Variants in CYP19A1 observed in about 807,000 individuals in gnomAD.
The protein encoded by CYP19A1 is aromatase.
In CYP19A1, 32 loss-of-function variants were observed where a neutral mutation model predicts 44.4. The ratio of observed to expected loss-of-function variants is 0.72; its 90% confidence interval spans 0.54 to 0.97. CYP19A1 has a LOEUF of 0.97. Among genes scored for constraint, CYP19A1 ranks in the 50% least tolerant of loss-of-function variants. The probability of loss-of-function intolerance (pLI) is 0.00; values close to 1 mark genes in which losing one functional copy is unlikely to be tolerated. For synonymous variants in CYP19A1, 212 were observed against 215.6 expected (o/e 0.98, Z 0.14); for missense variants, 598 against 637.8 (o/e 0.94, Z 0.67).
chr15:51,222,770 C>G (rs1334207159), intron 4 of CYP19A1, among the ~76,000 whole-genome samples: 1 of 152,142 alleles, frequency 6.6e-6, no homozygotes, highest in Non-Finnish European at 1.5e-5. Flanking sequence ...TTTAAACAAA[C>G]TATTAAAAAT....
chr15:51,218,420 C>A, intron 6 of CYP19A1, 121 bp downstream of exon 6: 2 of 1,414,034 alleles, frequency 1.4e-6, no homozygotes, highest in Admixed American at 2.6e-5. Context: ...TAATCAACAG[C>A]TCCCTTGTGG....
intron 1 of CYP19A1, among the ~76,000 whole-genome samples, chr15:51,261,407 A>G (rs1236550152): frequency 6.6e-6 from 1 of 152,220 alleles, no homozygotes; most frequent in Non-Finnish European, 1.5e-5. Flanking sequence ...AAGACCTTGC[A>G]GTTCTATAAT....
At chr15:51,275,006 G>A (rs1383233560) in intron 1 of CYP19A1, among the ~76,000 whole-genome samples, 2 of 152,152 alleles carry the variant, frequency 1.3e-5, no homozygotes, top group African/African-American at 4.8e-5. Flanking sequence ...TTAACTTGGT[G>A]ACATGTCACT....
chr15:51,332,391 T>C (rs2036715742), intron 1 of CYP19A1, among the ~76,000 whole-genome samples: 2 of 152,250 alleles, frequency 1.3e-5, no homozygotes, highest in Non-Finnish European at 2.9e-5. Flanking sequence ...GAAACTTCAC[T>C]TCCCCTCTTT....
intron 1 of CYP19A1, among the ~76,000 whole-genome samples, chr15:51,322,673 C>T (rs1186913307): frequency 6.6e-6 from 1 of 152,116 alleles, no homozygotes; most frequent in Non-Finnish European, 1.5e-5. Context: ...TTGCATCACC[C>T]CCACCCCCGC....
At chr15:51,299,679 G>A (rs1435739880) in intron 1 of CYP19A1, among the ~76,000 whole-genome samples, 1 of 152,212 alleles carries the variant, frequency 6.6e-6, no homozygotes, top group Non-Finnish European at 1.5e-5. Context: ...TCCTTTACAG[G>A]AATTTAATGG....
chr15:51,212,588 G>C (rs749011486), intron 8 of CYP19A1, 27 bp from the exon 9 acceptor site: 3 of 1,376,180 alleles, frequency 2.2e-6, no homozygotes, highest in Admixed American at 1.7e-5. Flanking sequence ...AAGGAACAAA[G>C]AAGGTAATGT....
chr15:51,224,308 C>A (rs934405725), intron 4 of CYP19A1, among the ~76,000 whole-genome samples: 9 of 152,202 alleles, frequency 5.9e-5, no homozygotes, highest in African/African-American at 2.2e-4. Flanking sequence ...GGAAAACCAA[C>A]AGGGAGTCTA....
chr15:51,223,571 G>GCTCTCTCTCT (rs763852095), intron 4 of CYP19A1, among the ~76,000 whole-genome samples: 1 of 110,612 alleles, frequency 9.0e-6, no homozygotes, highest in Non-Finnish European at 1.9e-5. Context: ...TCTCTCTCTT[G>GCTCTCTCTCT]CTCTCTCTCT....
At chr15:51,223,002 G>A (rs888557260) in intron 4 of CYP19A1, among the ~76,000 whole-genome samples, 1 of 152,100 alleles carries the variant, frequency 6.6e-6, no homozygotes, top group African/African-American at 2.4e-5. Flanking sequence ...TTGATCTAAG[G>A]TGCTTCCTGT....
rs575097539 is a variant in CYP19A1 at position 51,222,659 on chromosome 15, A to G, written c.452-134T>C. On this transcript the variant is annotated intron_variant, in intron 4 of 9. Transcript: ENST00000396402. The stretch of plus-strand genomic sequence containing the variant: ...TAATAATTGGGTGGAAGTTTTCATA[A>G]TATTTTCGTATGCTTTTCTGTGGTC... 20 of 740,698 alleles carry G rather than the reference A, an allele frequency of 2.7e-5. No individual in the cohort carries two copies. The South Asian group carries it at 2.9e-4, about 11-fold the overall frequency. The allele number at this position is 740,698 out of a possible 1,614,324, so 45.9% of individuals were successfully genotyped here.
At chr15:51,288,730 G>C (rs903084285) in intron 1 of CYP19A1, among the ~76,000 whole-genome samples, 1 of 152,200 alleles carries the variant, frequency 6.6e-6, no homozygotes, top group Non-Finnish European at 1.5e-5. Context: ...AGGCATGACA[G>C]CTGTGATCTG....
At chr15:51,244,972 G>A (rs2033984565) in intron 1 of CYP19A1, among the ~76,000 whole-genome samples, 1 of 152,174 alleles carries the variant, frequency 6.6e-6, no homozygotes, top group Non-Finnish European at 1.5e-5. Context: ...CACTTAAAAT[G>A]TTGCATTGTT....
At position 51,303,513 on chromosome 15, in the gene CYP19A1, A is replaced by G. The variant is rs116716535; in HGVS notation, c.-39+34982T>C. Among the ~76,000 whole-genome samples the G allele has an allele frequency of 5.5e-3, 837 of 152,226 alleles. 11 individuals carry two copies. Among genetic ancestry groups the G allele is most frequent in the African/African-American group, 0.019 (806 of 41,542 alleles). On this transcript the variant is annotated intron_variant, in intron 1 of 9. Coordinates refer to ENST00000396402, the MANE Select transcript of CYP19A1 (RefSeq NM_000103.4). ...AAAATACACACAGCCCAGGCTAAAC[A>G]CACAAGTGCTTAGAGATGCCAAGTA...
At chr15:51,280,341 A>AC (rs541377828) in intron 1 of CYP19A1, among the ~76,000 whole-genome samples, 1 of 148,292 alleles carries the variant, frequency 6.7e-6, no homozygotes, top group Non-Finnish European at 1.5e-5. Flanking sequence ...CTCGTGATCC[A>AC]CCCCCCTTGG....
chr15:51,273,106 C>A (rs1448622042), intron 1 of CYP19A1, among the ~76,000 whole-genome samples: 1 of 152,066 alleles, frequency 6.6e-6, no homozygotes, highest in Non-Finnish European at 1.5e-5. Context: ...ACTACAGGTG[C>A]ACGTTACCAC....
chr15:51,231,215 T>C lies in CYP19A1; in HGVS notation c.297-3282A>G, dbSNP rs1399695739. 2.6e-5 allele frequency among the ~76,000 whole-genome samples: 4 copies of C among 152,210 alleles called. 1 individual carries two copies. Among genetic ancestry groups the C allele is most frequent in the South Asian group, 4.1e-4 (2 of 4,830 alleles). On this transcript the variant is annotated intron_variant, in intron 3 of 9. Coordinates refer to ENST00000396402, the MANE Select transcript of CYP19A1 (RefSeq NM_000103.4). ...GCAAAAATGTGCAACCTTAATCTAA[T>C]TGAGCCTTTAGACCCAATTTTCAGT...
At chr15:51,322,160 A>G (rs2036539191) in intron 1 of CYP19A1, among the ~76,000 whole-genome samples, 1 of 152,166 alleles carries the variant, frequency 6.6e-6, no homozygotes, top group Non-Finnish European at 1.5e-5. Context: ...AAATAGGCTG[A>G]GTGAAAACCT....
chr15:51,267,698 C>A (rs2140946668), intron 1 of CYP19A1, among the ~76,000 whole-genome samples: 1 of 152,346 alleles, frequency 6.6e-6, no homozygotes, highest in South Asian at 2.1e-4. Flanking sequence ...TTACAATACA[C>A]GAATTTGAAG....
Sources: gnomAD v4.1 joint callset for allele counts (sites outside exome capture counted in the v4.1 genomes callset) on GRCh38, gnomAD v4.1.1 for gene constraint, MANE v1.5 for transcripts, NCBI Gene and HGNC (gene_info 2026-07-23, HGNC 2026-07-21) for gene names.